Variants in TM7SF3 observed in about 807,000 individuals in gnomAD.
TM7SF3 encodes transmembrane 7 superfamily member 3.
Under a neutral mutation model 65.5 loss-of-function variants are expected in TM7SF3, and 60 were observed. The observed-to-expected ratio is 0.92, with a 90% CI of 0.74 to 1.14. The LOEUF is 1.14. Among genes scored for constraint, TM7SF3 ranks in the 50% most tolerant of loss-of-function variants. TM7SF3 has a pLI of 0.00. For synonymous variants in TM7SF3, 264 were observed against 259.6 expected (o/e 1.02, Z -0.16); for missense variants, 623 against 684.8 (o/e 0.91, Z 1.01).
chr12:27,001,052 T>C (rs1940811604), intron 2 of TM7SF3, among the ~76,000 whole-genome samples: 1 of 152,082 alleles, frequency 6.6e-6, no homozygotes, highest in African/African-American at 2.4e-5. Flanking sequence ...GACTCAAATA[T>C]TAATTGATAA....
chr12:26,989,603 T>C (rs1464370055), intron 6 of TM7SF3, among the ~76,000 whole-genome samples: 4 of 152,094 alleles, frequency 2.6e-5, no homozygotes, highest in African/African-American at 7.2e-5. Context: ...ATGAAGATTA[T>C]ACAGAAATTC....
intron 5 of TM7SF3, among the ~76,000 whole-genome samples, chr12:26,990,943 T>A (rs1940328869): frequency 6.6e-6 from 1 of 152,160 alleles, no homozygotes. Context: ...TAAACAAGGA[T>A]GGGAACTGTA....
intron 5 of TM7SF3, among the ~76,000 whole-genome samples, chr12:26,992,640 G>T (rs1940420805): frequency 6.6e-6 from 1 of 152,182 alleles, no homozygotes; most frequent in Admixed American, 6.5e-5. Context: ...ATTGAATACA[G>T]TACACTGTAA....
At chr12:26,999,495 A>G (rs1294681905) in intron 3 of TM7SF3, 31 bp downstream of exon 3, 10 of 1,606,830 alleles carry the variant, frequency 6.2e-6, no homozygotes, top group Non-Finnish European at 8.5e-6. Context: ...TATTCCAAAG[A>G]GTAAGAGGGA....
chr12:26,989,494 C>T (rs1485565444), intron 6 of TM7SF3, among the ~76,000 whole-genome samples: 1 of 151,050 alleles, frequency 6.6e-6, no homozygotes, highest in Non-Finnish European at 1.5e-5. Flanking sequence ...TCGGCTCCCC[C>T]ACAACCCCTA....
intron 6 of TM7SF3, among the ~76,000 whole-genome samples, 184 bp downstream of exon 6, chr12:26,990,266 T>C (rs1940290385): frequency 6.6e-6 from 1 of 152,220 alleles, no homozygotes; most frequent in Non-Finnish European, 1.5e-5. Context: ...TCTCCCTCAC[T>C]ATAATATAAG....
intron 1 of TM7SF3, among the ~76,000 whole-genome samples, chr12:27,005,988 C>T (rs1391284964): frequency 2.0e-5 from 3 of 148,638 alleles, no homozygotes; most frequent in Non-Finnish European, 3.0e-5. Flanking sequence ...TTAGTAGAGA[C>T]GGGGTTTCAC....
intron 6 of TM7SF3, among the ~76,000 whole-genome samples, chr12:26,985,621 C>CAA (rs544145636): frequency 2.6e-4 from 16 of 61,054 alleles, no homozygotes; most frequent in Admixed American, 5.5e-4. Flanking sequence ...GTGAGACTGT[C>CAA]AAAAAAAAAA....
chr12:26,999,894 T>C, intron 2 of TM7SF3: 1 of 486,494 alleles, frequency 2.1e-6, no homozygotes, highest in Non-Finnish European at 3.7e-6. Context: ...TTGTCTTAGT[T>C]AAGGCTGCTA....
At chr12:26,997,221 T>C (rs1052471479) in intron 3 of TM7SF3, among the ~76,000 whole-genome samples, 1 of 152,248 alleles carries the variant, frequency 6.6e-6, no homozygotes, top group Non-Finnish European at 1.5e-5. Context: ...TAAAACTTTA[T>C]GTACAAAAAC....
intron 1 of TM7SF3, among the ~76,000 whole-genome samples, chr12:27,010,395 A>G (rs1331235230): frequency 6.6e-6 from 1 of 152,264 alleles, no homozygotes; most frequent in East Asian, 1.9e-4. Flanking sequence ...TTCCAGGCAC[A>G]TCATAAGCAT....
At chr12:27,009,646 C>G (rs1178174228) in intron 1 of TM7SF3, among the ~76,000 whole-genome samples, 1 of 152,162 alleles carries the variant, frequency 6.6e-6, no homozygotes, top group South Asian at 2.1e-4. Context: ...GATCCTCCCC[C>G]ACTCAGTCTT....
At chr12:27,009,033 C>A (rs2136456519) in intron 1 of TM7SF3, among the ~76,000 whole-genome samples, 1 of 152,320 alleles carries the variant, frequency 6.6e-6, no homozygotes, top group Admixed American at 6.5e-5. Context: ...ACCACCATCT[C>A]CCCACCCTAC....
intron 1 of TM7SF3, among the ~76,000 whole-genome samples, chr12:27,008,784 T>C (rs1027842369): frequency 6.6e-6 from 1 of 152,162 alleles, no homozygotes; most frequent in South Asian, 2.1e-4. Flanking sequence ...TAGTACCCCA[T>C]GTTCTCTCAC....
intron 1 of TM7SF3, among the ~76,000 whole-genome samples, chr12:27,004,514 CTAAATAA>C (rs1197848485): frequency 5.9e-5 from 9 of 152,158 alleles, no homozygotes; most frequent in African/African-American, 1.9e-4. Context: ...ATTTCAGATA[CTAAATAA>C]CTTAATAACA....
intron 5 of TM7SF3, among the ~76,000 whole-genome samples, chr12:26,992,484 C>T (rs1163456914): frequency 6.6e-6 from 1 of 152,184 alleles, no homozygotes; most frequent in Non-Finnish European, 1.5e-5. Flanking sequence ...CAGGGTTTCA[C>T]CCTGTTAGCC....
At chr12:27,002,569 T>G (rs1351310831) in intron 2 of TM7SF3, among the ~76,000 whole-genome samples, 2 of 152,126 alleles carry the variant, frequency 1.3e-5, no homozygotes, top group Admixed American at 6.5e-5. Flanking sequence ...GTGAAATGCA[T>G]GTATTGGTCT....
intron 1 of TM7SF3, among the ~76,000 whole-genome samples, chr12:27,005,059 G>A (rs1240458183): frequency 6.6e-6 from 1 of 152,122 alleles, no homozygotes; most frequent in Non-Finnish European, 1.5e-5. Context: ...CCATTATCAT[G>A]ATTATTTTAT....
intron 1 of TM7SF3, among the ~76,000 whole-genome samples, chr12:27,008,486 C>T (rs1486587754): frequency 2.0e-5 from 3 of 152,128 alleles, no homozygotes; most frequent in Non-Finnish European, 2.9e-5. Flanking sequence ...CTTGTCTTTT[C>T]ACTCTGTTAC....
Sources: gnomAD v4.1 joint callset for allele counts (sites outside exome capture counted in the v4.1 genomes callset) on GRCh38, gnomAD v4.1.1 for gene constraint, MANE v1.5 for transcripts, NCBI Gene and HGNC (gene_info 2026-07-23, HGNC 2026-07-21) for gene names.